The following FNIP2 variants were observed in gnomAD, a reference collection of about 807,000 sequenced individuals.
FNIP2 encodes the protein folliculin-interacting protein 2.
In FNIP2, 32 loss-of-function variants were observed where a neutral mutation model predicts 108.7. The ratio of observed to expected loss-of-function variants is 0.29; its 90% CI spans 0.22 to 0.40. The LOEUF (loss-of-function observed/expected upper bound fraction) is 0.40. Among genes scored for constraint, FNIP2 ranks in the 10% least tolerant of loss-of-function variants. The probability of loss-of-function intolerance (pLI) is 1.00; values close to 1 mark genes in which losing one functional copy is unlikely to be tolerated. For missense variants in FNIP2, 1,202 were observed against 1,381.6 expected (o/e 0.87, Z 2.06); for synonymous variants, 480 against 496.7 (o/e 0.97, Z 0.45).
At chr4:158,825,070 GGTCT>G (rs1778081610) in intron 1 of FNIP2, among the ~76,000 whole-genome samples, 2 of 152,176 alleles carry the variant, frequency 1.3e-5, no homozygotes, top group African/African-American at 4.8e-5. Flanking sequence ...GTGGGGACCA[GGTCT>G]GTCTGGTTAA....
chr4:158,881,321 C>T (rs1418181923), intron 14 of FNIP2, among the ~76,000 whole-genome samples: 1 of 136,060 alleles, frequency 7.3e-6, no homozygotes, highest in Non-Finnish European at 1.6e-5. Flanking sequence ...CTCTTTCCAC[C>T]GTCTCGTCTC....
chr4:158,823,283 A>G (rs1777982571), intron 1 of FNIP2, among the ~76,000 whole-genome samples: 1 of 152,222 alleles, frequency 6.6e-6, no homozygotes, highest in South Asian at 2.1e-4. Context: ...TTATTTATTT[A>G]GAGACGGAAT....
intron 8 of FNIP2, among the ~76,000 whole-genome samples, chr4:158,851,902 T>G (rs778238824): frequency 2.6e-5 from 4 of 152,254 alleles, no homozygotes; most frequent in Non-Finnish European, 5.9e-5. Context: ...ATGAACATGA[T>G]TTTAAATAGA....
chr4:158,824,764 C>T lies in FNIP2; in HGVS notation c.108-1152C>T, dbSNP rs75199772. 2.8e-3 allele frequency among the ~76,000 whole-genome samples: 420 copies of T among 152,252 alleles called. 3 individuals are homozygous for T. The highest frequency in any genetic ancestry group is 9.6e-3 in the African/African-American group (399 of 41,544). The stretch of plus-strand genomic sequence containing the variant: ...GGCCCCTGCCTGCCGTCCTTTCCAC[C>T]TCACGGCACTCACTCTCTGGCCTTT... On this transcript the variant is annotated intron_variant, in intron 1 of 16. Transcript: ENST00000264433.
At chr4:158,881,178 C>CTCTCCG (rs1445925109) in intron 14 of FNIP2, among the ~76,000 whole-genome samples, 7 of 151,944 alleles carry the variant, frequency 4.6e-5, no homozygotes, top group African/African-American at 1.7e-4. Context: ...CTCCCTCTCC[C>CTCTCCG]TCTCCGTCTC....
chr4:158,884,849 G>A (rs975529753), intron 14 of FNIP2, among the ~76,000 whole-genome samples: 31 of 151,858 alleles, frequency 2.0e-4, no homozygotes, highest in African/African-American at 5.6e-4. Context: ...CTTTAAAACC[G>A]TCAGCTCTCG....
Position 158,769,934 on chromosome 4 carries a change from T to C in FNIP2, c.107+615T>C, listed in dbSNP as rs150174255. Among the ~76,000 whole-genome samples, 140 of 152,352 alleles carry C rather than the reference T, an allele frequency of 9.2e-4. 2 individuals are homozygous for C. Among genetic ancestry groups the C allele is most frequent in the Non-Finnish European group, 1.6e-3 (110 of 68,034 alleles). The stretch of plus-strand genomic sequence containing the variant: ...AGATTTCAATTGATCAAAGCTGATA[T>C]GTATATTTAATAGATTTGATCTCTC... On this transcript the variant is annotated intron_variant, in intron 1 of 16. Transcript: ENST00000264433.
At chr4:158,805,370 A>G (rs958826091) in intron 1 of FNIP2, among the ~76,000 whole-genome samples, 10 of 152,228 alleles carry the variant, frequency 6.6e-5, no homozygotes, top group African/African-American at 2.4e-4. Flanking sequence ...CCACAGAATC[A>G]TATTGATTCT....
Position 158,829,157 on chromosome 4 carries a change from A to T in FNIP2, c.313A>T (p.Ser105Cys). 6.2e-7 allele frequency: 1 copy of T among 1,613,374 alleles called. No individual in the cohort carries two copies. Among genetic ancestry groups the T allele is most frequent in the Non-Finnish European group, 8.5e-7 (1 of 1,179,640 alleles). ...SSSVSSSSSS[S>C]ISSHSSSGGS... is the part of the protein sequence containing the mutation. The stretch of plus-strand genomic sequence containing the variant: ...CAGTGTCAGCAGCAGTAGCAGCAGC[A>T]GCATCTCTTCCCACAGTTCTTCTGG... Residue 105 changes from serine (S) to cysteine (C), a missense_variant, in exon 3 of 17, where the codon AGC (serine) becomes TGC (cysteine). This residue lies in a region of FNIP2 where 173 missense variants were observed against 165.9 expected (regional missense o/e 1.04). Transcript: ENST00000264433.
intron 1 of FNIP2, among the ~76,000 whole-genome samples, chr4:158,822,375 A>C (rs1777932600): frequency 6.6e-6 from 1 of 151,696 alleles, no homozygotes; most frequent in Admixed American, 6.6e-5. Context: ...GTAAAGATGG[A>C]GTTTCACCCT....
At chr4:158,886,722 TAA>T (rs1391913261) in intron 14 of FNIP2, among the ~76,000 whole-genome samples, 1 of 152,238 alleles carries the variant, frequency 6.6e-6, no homozygotes, top group African/African-American at 2.4e-5. Context: ...ATAAGGTTTG[TAA>T]AGTTTCTCAA....
chr4:158,903,094 G>A (rs1349513080), intron 16 of FNIP2, among the ~76,000 whole-genome samples: 1 of 152,210 alleles, frequency 6.6e-6, no homozygotes, highest in Non-Finnish European at 1.5e-5. Flanking sequence ...TTTTGTGCTT[G>A]AAACCCAGGG....
intron 14 of FNIP2, among the ~76,000 whole-genome samples, chr4:158,886,375 T>G (rs1206281753): frequency 3.9e-5 from 6 of 152,250 alleles, no homozygotes; most frequent in Non-Finnish European, 8.8e-5. Flanking sequence ...TCCCATGTTC[T>G]TCTATCCGCA....
intron 14 of FNIP2, among the ~76,000 whole-genome samples, chr4:158,889,138 A>T (rs1354049963): frequency 6.6e-6 from 1 of 152,104 alleles, no homozygotes; most frequent in East Asian, 1.9e-4. Context: ...GTTACTATGA[A>T]CTGTGATCAG....
chr4:158,816,711 G>T (rs1578857551), intron 1 of FNIP2, among the ~76,000 whole-genome samples: 1 of 151,528 alleles, frequency 6.6e-6, no homozygotes, highest in Non-Finnish European at 1.5e-5. Context: ...CATGAACCCA[G>T]GAGGTGGAGG....
Position 158,769,337 on chromosome 4 carries a change from G to C in FNIP2, c.107+18G>C. ...GCCTTTAGGTGAGGGGGCGCCGGGG[G>C]GCAATTCTGGCGCGGGACCCGAGTT... On this transcript the variant is annotated intron_variant, in intron 1 of 16. Coordinates refer to ENST00000264433, the MANE Select transcript of FNIP2 (RefSeq NM_020840.3). 6.8e-7 allele frequency: 1 copy of C among 1,461,074 alleles called. No homozygotes were observed. The highest frequency in any genetic ancestry group is 9.1e-7 in the Non-Finnish European group (1 of 1,101,472). The allele number at this position is 1,461,074 out of a possible 1,614,324, so 90.5% of individuals were successfully genotyped here. A position where few individuals can be genotyped will look rare whatever the true frequency, so the allele number is the denominator to read the frequency against.
intron 1 of FNIP2, chr4:158,806,040 CTT>C (rs11378632): frequency 2.3e-3 from 1,521 of 650,646 alleles, no homozygotes; most frequent in Middle Eastern, 3.7e-3. Context: ...AATGTTCCAC[CTT>C]TTTTTTTTTT....
chr4:158,866,384 A>AT (rs1158734302), intron 12 of FNIP2, among the ~76,000 whole-genome samples: 4 of 147,904 alleles, frequency 2.7e-5, no homozygotes, highest in Non-Finnish European at 4.5e-5. Context: ...CGCCTGGCTA[A>AT]TTTTTGTATT....
At chr4:158,798,973 A>G (rs958723685) in intron 1 of FNIP2, among the ~76,000 whole-genome samples, 1 of 152,266 alleles carries the variant, frequency 6.6e-6, no homozygotes, top group African/African-American at 2.4e-5. Context: ...TTGTAAATGT[A>G]AGAGAGAAGG....
Sources: gnomAD v4.1 joint callset for allele counts (sites outside exome capture counted in the v4.1 genomes callset) on GRCh38, gnomAD v4.1.1 for gene constraint, gnomAD v4.1.1 regional missense constraint, MANE v1.5 for transcripts, NCBI Gene and HGNC (gene_info 2026-07-23, HGNC 2026-07-21) for gene names.